The following HIP1R variants were observed in gnomAD, a reference collection of about 807,000 sequenced individuals.
The protein encoded by HIP1R is huntingtin-interacting protein 1-related protein.
Under a neutral mutation model 144.2 loss-of-function variants are expected in HIP1R, and 135 were observed. The observed-to-expected ratio is 0.94, with a 90% CI of 0.81 to 1.08. The LOEUF is 1.08. HIP1R is among the 50% of genes least tolerant of loss of function. The pLI is 0.00. For synonymous variants in HIP1R, 698 were observed against 612.8 expected (o/e 1.14, Z -2.05); for missense variants, 1,462 against 1,432.8 (o/e 1.02, Z -0.33).
chr12:122,855,939 C>T (rs1186959534), intron 13 of HIP1R, 36 bp downstream of exon 13: 1 of 1,567,870 alleles, frequency 6.4e-7, no homozygotes, highest in Non-Finnish European at 8.6e-7. Context: ...CAGGGCCCCT[C>T]ACGGCCCAGG....
At position 122,836,986 on chromosome 12, in the gene HIP1R, C is replaced by T. The variant is rs2032915766; in HGVS notation, c.93+1343C>T. ...TTCATCACCATCAACTGGTTCAGCC[C>T]GGATAGCCCGTCATTTTAAAAAAAT... is the stretch of plus-strand genomic sequence containing the variant. On this transcript the variant is annotated intron_variant, in intron 1 of 31. Transcript: ENST00000253083. This position sits in a 1 kb window ranked among gnomAD's most constrained non-coding sequence, Gnocchi z 4.1. 6.6e-6 allele frequency among the ~76,000 whole-genome samples: 1 copy of T among 152,090 alleles called. No homozygotes were observed. The highest frequency in any genetic ancestry group is 1.5e-5 in the Non-Finnish European group (1 of 68,022).
At chr12:122,851,692 A>AG (rs1420649034) in intron 7 of HIP1R, among the ~76,000 whole-genome samples, 27 of 40,982 alleles carry the variant, frequency 6.6e-4, no homozygotes, top group Admixed American at 1.6e-3. Flanking sequence ...TTAAAAAAAA[A>AG]AAAAAGAAAA....
intron 7 of HIP1R, 125 bp from the exon 8 acceptor site, chr12:122,853,918 T>A: frequency 4.3e-6 from 5 of 1,165,676 alleles, no homozygotes; most frequent in Non-Finnish European, 4.8e-6. Context: ...GGCTCCCGTC[T>A]TGGAGGCAGG....
chr12:122,851,358 C>T lies in HIP1R; in HGVS notation c.577+61C>T, dbSNP rs548852283. ...TATTGCTAAGTCCCCAGAGATGGGA[C>T]GAGAAGAAAAAAGAAGACATGAGTG... On this transcript the variant is annotated intron_variant, in intron 7 of 31. Transcript: ENST00000253083. 10 of 1,373,170 alleles carry T rather than the reference C, an allele frequency of 7.3e-6. No individual in the cohort carries two copies. The Admixed American group carries it at 8.5e-5, about 12-fold the overall frequency. The allele number at this position is 1,373,170 out of a possible 1,614,324, so 85.1% of individuals were successfully genotyped here.
Position 122,843,510 on chromosome 12 carries a change from C to A in HIP1R, c.94-4521C>A, listed in dbSNP as rs555391734. 9.2e-5 allele frequency among the ~76,000 whole-genome samples: 14 copies of A among 152,348 alleles called. No homozygotes were observed. In the South Asian group the frequency reaches 1.7e-3, roughly 18 times the overall value. On this transcript the variant is annotated intron_variant, in intron 1 of 31. Coordinates refer to ENST00000253083, the MANE Select transcript of HIP1R (RefSeq NM_003959.3). ...CCTTATGGCATAGAGTATGTTCTTACACACTTGGCGATGCCAGCTATCCTG... is the reference window on the plus strand; with the variant it reads ...CCTTATGGCATAGAGTATGTTCTTAAACACTTGGCGATGCCAGCTATCCTG...
At chr12:122,837,382 G>C (rs1259066757) in intron 1 of HIP1R, among the ~76,000 whole-genome samples, 1 of 150,824 alleles carries the variant, frequency 6.6e-6, no homozygotes, top group Non-Finnish European at 1.5e-5. Flanking sequence ...GCAATGGCAT[G>C]ATCTCAGCTC....
Position 122,848,733 on chromosome 12 carries a change from T to C in HIP1R, c.301-63T>C, listed in dbSNP as rs1003611186. 9 of 1,603,968 alleles carry C rather than the reference T, an allele frequency of 5.6e-6. No individual in the cohort carries two copies. The African/African-American group carries it at 1.2e-4, about 21-fold the overall frequency. ...CCTCCCGCCTCGGGTGGGGAGTGCG[T>C]GTCTCAGGGCCCTGCCACACGGTCC... On this transcript the variant is annotated intron_variant, in intron 3 of 31. Coordinates refer to ENST00000253083, the MANE Select transcript of HIP1R (RefSeq NM_003959.3).
chr12:122,859,455 G>A lies in HIP1R; in HGVS notation c.2325G>A (p.Arg775=). 2.5e-6 allele frequency: 4 copies of A among 1,613,474 alleles called. No individual in the cohort carries two copies. Among genetic ancestry groups the A allele is most frequent in the Non-Finnish European group, 2.5e-6 (3 of 1,179,946 alleles). The part of the protein sequence containing the change: ...QELKPKSLDV[R]QEELGAVVDK... The stretch of plus-strand genomic sequence containing the variant: ...TGAAACCCAAGAGCCTAGATGTGCG[G>A]CAGGAGGAGCTGGGGGCCGTGGTCG... Residue 775 remains arginine (R), a synonymous_variant, in exon 23 of 32, where the codon CGG becomes CGA. Transcript: ENST00000253083.
intron 18 of HIP1R, 77 bp from the exon 19 acceptor site, chr12:122,858,025 T>G: frequency 1.5e-6 from 2 of 1,358,722 alleles, no homozygotes; most frequent in African/African-American, 1.4e-5. Flanking sequence ...TGGTGGCCCA[T>G]GGGTCATTCC....
At chr12:122,861,677 C>T (rs758304055) in intron 31 of HIP1R, 29 bp from the exon 32 acceptor site, 26 of 1,613,110 alleles carry the variant, frequency 1.6e-5, no homozygotes, top group Non-Finnish European at 2.1e-5. Flanking sequence ...TGGCTGTGAC[C>T]ACTGACCCCC....
At chr12:122,858,802 A>G in intron 20 of HIP1R, 36 bp from the exon 21 acceptor site, 1 of 1,414,592 alleles carries the variant, frequency 7.1e-7, no homozygotes, top group Non-Finnish European at 1.0e-6. Context: ...TCTCAGTGTC[A>G]TCCTCCCCCA....
Position 122,836,500 on chromosome 12 carries a change from C to A in HIP1R, c.93+857C>A, listed in dbSNP as rs761052886. Among the ~76,000 whole-genome samples the A allele has an allele frequency of 4.6e-5, 7 of 152,124 alleles. No individual in the cohort carries two copies. Among genetic ancestry groups the A allele is most frequent in the Non-Finnish European group, 7.3e-5 (5 of 68,036 alleles). ...CCACGATGCAGACGTTGCTGCGTTTCTGGTTTCCTGTTGCTTTTTATTTTA... is the reference window on the plus strand; with the variant it reads ...CCACGATGCAGACGTTGCTGCGTTTATGGTTTCCTGTTGCTTTTTATTTTA... On this transcript the variant is annotated intron_variant, in intron 1 of 31. Coordinates refer to ENST00000253083, the MANE Select transcript of HIP1R (RefSeq NM_003959.3). This position sits in a 1 kb window ranked among gnomAD's most constrained non-coding sequence, Gnocchi z 4.1.
At position 122,861,754 on chromosome 12, in the gene HIP1R, G is replaced by GC. The variant is rs778602890; in HGVS notation, c.*7dup. 6.8e-6 allele frequency: 11 copies of GC among 1,613,794 alleles called. No individual in the cohort carries two copies. Among genetic ancestry groups the GC allele is most frequent in the Admixed American group, 1.7e-5 (1 of 59,986 alleles). On this transcript the variant is annotated 3_prime_UTR_variant, in exon 32 of 32. Coordinates refer to ENST00000253083, the MANE Select transcript of HIP1R (RefSeq NM_003959.3). ...CCCAGCTCAACTCGTGAACTACTAG[G>GC]CCCCCCAGGGGTCCAGCAGGGTGGC...
intron 7 of HIP1R, among the ~76,000 whole-genome samples, chr12:122,852,060 C>A (rs2033417858): frequency 6.6e-6 from 1 of 152,246 alleles, no homozygotes; most frequent in Admixed American, 6.5e-5. Flanking sequence ...GGCTCAGCTT[C>A]CAGGCTGGAG....
chr12:122,856,840 T>G lies in HIP1R; in HGVS notation c.1620+114T>G, dbSNP rs2033598315. On this transcript the variant is annotated intron_variant, in intron 17 of 31. Coordinates refer to ENST00000253083, the MANE Select transcript of HIP1R (RefSeq NM_003959.3). ...TGGGTGCCACTCGGTGATCCTGGGATGCAGCCCTGACCCAGACCCAGGGGC... is the reference window on the plus strand; with the variant it reads ...TGGGTGCCACTCGGTGATCCTGGGAGGCAGCCCTGACCCAGACCCAGGGGC... 3 of 1,096,616 alleles carry G rather than the reference T, an allele frequency of 2.7e-6. No individual in the cohort carries two copies. In the East Asian group the frequency reaches 7.8e-5, roughly 28 times the overall value. 67.9% of individuals were successfully genotyped at this position (1,096,616 alleles called of 1,614,324 possible).
At chr12:122,859,370 G>T (rs1593889827) in intron 22 of HIP1R, 56 bp from the exon 23 acceptor site, 3 of 1,523,054 alleles carry the variant, frequency 2.0e-6, no homozygotes, top group Admixed American at 1.7e-5. Flanking sequence ...TTCCCAGGCT[G>T]CCCGTGGGAC....
chr12:122,859,054 A>G lies in HIP1R; in HGVS notation c.2159-7A>G. On this transcript the variant is annotated splice_polypyrimidine_tract_variant and splice_region_variant and intron_variant, in intron 21 of 31. Coordinates refer to ENST00000253083, the MANE Select transcript of HIP1R (RefSeq NM_003959.3). Reference sequence around the variant, plus strand: ...GGGGCTCCACTCACGGTCCTTTCTCACCCCAGGCCTCATAGACACCTGCAG... The same window carrying G: ...GGGGCTCCACTCACGGTCCTTTCTCGCCCCAGGCCTCATAGACACCTGCAG... The G allele has an allele frequency of 6.2e-7, 1 of 1,602,500 alleles. No homozygotes were observed. The highest frequency in any genetic ancestry group is 8.5e-7 in the Non-Finnish European group (1 of 1,175,228).
chr12:122,855,091 A>G lies in HIP1R; in HGVS notation c.815A>G (p.Tyr272Cys). 6.2e-7 allele frequency: 1 copy of G among 1,613,784 alleles called. No homozygotes were observed. Among genetic ancestry groups the G allele is most frequent in the South Asian group, 1.1e-5 (1 of 91,080 alleles). The change falls in exon 10 of 32, where the codon TAC becomes TGC. Residue 272 changes from tyrosine to cysteine, a missense_variant. Coordinates refer to ENST00000253083, the MANE Select transcript of HIP1R (RefSeq NM_003959.3). ...NFFRRASDML[Y>C]FKRLIQIPRL... ...TTCCGCAGAGCCTCCGACATGCTGT[A>G]CTTCAAGCGGCTCATCCAGATCCCC... is the stretch of plus-strand genomic sequence containing the variant.
At chr12:122,846,455 C>T (rs1472028122) in intron 1 of HIP1R, among the ~76,000 whole-genome samples, 4 of 152,162 alleles carry the variant, frequency 2.6e-5, no homozygotes, top group African/African-American at 7.2e-5. Context: ...TAGCTGCTGT[C>T]GTGAGCAATA....
Sources: gnomAD v4.1 joint callset for allele counts (sites outside exome capture counted in the v4.1 genomes callset) on GRCh38, gnomAD v4.1.1 for gene constraint, Gnocchi (gnomAD v3.1) non-coding constraint, MANE v1.5 for transcripts, NCBI Gene and HGNC (gene_info 2026-07-23, HGNC 2026-07-21) for gene names.